Variants in ASB14 observed in about 807,000 individuals in gnomAD.
ASB14 encodes the protein ankyrin repeat and SOCS box protein 14.
ASB14 carries 63 observed loss-of-function variants against 55.6 expected under a neutral mutation model. The observed-to-expected ratio is 1.13, with a 90% CI of 0.92 to 1.40. ASB14 has a LOEUF of 1.40. Ranked by LOEUF, ASB14 falls within the 40% of genes most tolerant of loss-of-function variation. ASB14 has a pLI of 0.00. For synonymous variants in ASB14, 256 were observed against 259.9 expected (o/e 0.98, Z 0.15); for missense variants, 724 against 710.4 (o/e 1.02, Z -0.22).
intron 6 of ASB14, among the ~76,000 whole-genome samples, chr3:57,281,805 A>G (rs1031537598): frequency 2.6e-5 from 4 of 152,204 alleles, no homozygotes; most frequent in Non-Finnish European, 5.9e-5. Flanking sequence ...CCCAGGGCTT[A>G]TATCTATGAT....
Position 57,283,230 on chromosome 3 carries a change from C to T in ASB14, c.679G>A (p.Gly227Arg). Residue 227 changes from glycine to arginine, a missense_variant, in exon 6 of 11, where the codon GGA becomes AGA. Transcript: ENST00000487349. ...AACATTTCCATGATTTCAGTGTGTC[C>T]ACTTTGGGCAGCAAGAGCAAGAGGA... is the stretch of plus-strand genomic sequence containing the variant. ...FTPLALAAQS[G>R]HTEIMEMLLR... 6.4e-7 allele frequency: 1 copy of T among 1,552,104 alleles called. No homozygotes were observed. The highest frequency in any genetic ancestry group is 8.7e-7 in the Non-Finnish European group (1 of 1,147,038).
intron 2 of ASB14, among the ~76,000 whole-genome samples, chr3:57,290,105 A>C (rs1338700038): frequency 6.6e-6 from 1 of 152,242 alleles, no homozygotes; most frequent in Non-Finnish European, 1.5e-5. Flanking sequence ...TGCTGTAAGA[A>C]GTAACCACAC....
At chr3:57,290,199 G>A (rs1349916101) in intron 2 of ASB14, among the ~76,000 whole-genome samples, 1 of 151,978 alleles carries the variant, frequency 6.6e-6, no homozygotes, top group South Asian at 2.1e-4. Context: ...AGTCCTCACC[G>A]GACTGAAATC....
At chr3:57,271,209 T>C (rs1016311678) in intron 10 of ASB14, 4 of 147,570 alleles carry the variant, frequency 2.7e-5, no homozygotes, top group East Asian at 1.9e-4. Context: ...TCTCAAAATA[T>C]AACTCAGCTG....
chr3:57,277,512 A>G (rs7624358), intron 9 of ASB14, among the ~76,000 whole-genome samples: 27,942 of 151,966 alleles, frequency 0.18, 2,889 homozygotes, highest in African/African-American at 0.25. Flanking sequence ...TGTTGTTTCC[A>G]TGATTTAGGT....
chr3:57,279,264 C>CTTTTTTTTTTTTT (rs869152915), intron 7 of ASB14, among the ~76,000 whole-genome samples: 1 of 88,030 alleles, frequency 1.1e-5, no homozygotes, highest in Non-Finnish European at 2.2e-5. Flanking sequence ...AAGAGTTTTT[C>CTTTTTTTTTTTTT]TTTTTTTTTT....
chr3:57,281,279 T>C (rs1293261697), intron 6 of ASB14, among the ~76,000 whole-genome samples: 1 of 150,310 alleles, frequency 6.7e-6, no homozygotes, highest in Non-Finnish European at 1.5e-5. Context: ...GTGAGTGATG[T>C]GAATAATAAG....
chr3:57,276,849 A>T, intron 9 of ASB14, 121 bp from the exon 10 acceptor site: 3 of 871,902 alleles, frequency 3.4e-6, no homozygotes, highest in Non-Finnish European at 5.3e-6. Flanking sequence ...CAAAGTCAAT[A>T]GGGAAACAGT....
rs375711168 is a variant in ASB14, at chr3:57,291,205, T to C, written c.122+707A>G. 8.5e-5 allele frequency among the ~76,000 whole-genome samples: 13 copies of C among 152,258 alleles called. No homozygotes were observed. The East Asian group carries it at 1.5e-3, about 18-fold the overall frequency. ...GTACTTCATTGTCTCTATTTAGTTA[T>C]GAAATCTCTTGGGGTTAAAAGACAT... On this transcript the variant is annotated intron_variant, in intron 2 of 10. Transcript: ENST00000487349.
chr3:57,284,570 G>T (rs1047788807), intron 5 of ASB14, among the ~76,000 whole-genome samples: 1 of 152,190 alleles, frequency 6.6e-6, no homozygotes, highest in African/African-American at 2.4e-5. Context: ...TGCTGTTTAG[G>T]TGCCACAGAA....
At chr3:57,288,763 G>A (rs922783431) in intron 3 of ASB14, among the ~76,000 whole-genome samples, 1 of 137,476 alleles carries the variant, frequency 7.3e-6, no homozygotes, top group African/African-American at 2.7e-5. Flanking sequence ...TGCCCAGACT[G>A]GAGTGTGGTG....
chr3:57,287,778 G>T, intron 5 of ASB14, 123 bp downstream of exon 5: 1 of 1,111,014 alleles, frequency 9.0e-7, no homozygotes, highest in Non-Finnish European at 1.3e-6. Flanking sequence ...CGGTACCCAT[G>T]TCTGGTCAGT....
At chr3:57,271,518 T>G (rs994977677) in intron 10 of ASB14, 1 of 152,262 alleles carries the variant, frequency 6.6e-6, no homozygotes, top group Non-Finnish European at 1.5e-5. Flanking sequence ...TTTTAAGACC[T>G]TTTGGAGACT....
At position 57,288,696 on chromosome 3, in the gene ASB14, A is replaced by G. The variant is rs185595289; in HGVS notation, c.178+372T>C. ...AGGGGAAATGCTGCCAGCCATCACCATCATATCTTTCCTTTTTTTTTTTTT... is the reference window on the plus strand; with the variant it reads ...AGGGGAAATGCTGCCAGCCATCACCGTCATATCTTTCCTTTTTTTTTTTTT... On this transcript the variant is annotated intron_variant, in intron 3 of 10. Transcript: ENST00000487349. 2.1e-4 allele frequency among the ~76,000 whole-genome samples: 29 copies of G among 141,024 alleles called. No individual in the cohort carries two copies. In the East Asian group the frequency reaches 5.5e-3, roughly 27 times the overall value. The allele number at this position is 141,024 out of a possible 152,430, so 92.5% of individuals were successfully genotyped here. A position where few individuals can be genotyped will look rare whatever the true frequency, so the allele number is the denominator to read the frequency against.
intron 5 of ASB14, among the ~76,000 whole-genome samples, chr3:57,284,941 G>GTTTTT (rs10648367): frequency 4.5e-5 from 6 of 132,178 alleles, no homozygotes; most frequent in African/African-American, 8.5e-5. Context: ...TTTCAGTGTT[G>GTTTTT]TTTTTTTTTT....
Position 57,278,931 on chromosome 3 carries a change from A to T in ASB14, c.888-11T>A. The T allele has an allele frequency of 6.2e-7, 1 of 1,604,410 alleles. No individual in the cohort carries two copies. Among genetic ancestry groups the T allele is most frequent in the Non-Finnish European group, 8.5e-7 (1 of 1,173,216 alleles). ...AGTATCTTTAGAGCTCTGAGAAAGA[A>T]TTTCAAAATGCATTTCAACATTGTT... On this transcript the variant is annotated splice_polypyrimidine_tract_variant and intron_variant, in intron 7 of 10. Transcript: ENST00000487349.
Position 57,282,781 on chromosome 3 carries a change from A to G in ASB14, c.715+413T>C, listed in dbSNP as rs1487308925. ...AACTGGGACCCAAAGAGAAGAAATC[A>G]GGAATAATTTCCTAACATCTAAAGC... On this transcript the variant is annotated intron_variant, in intron 6 of 10. Transcript: ENST00000487349. Among the ~76,000 whole-genome samples the G allele has an allele frequency of 2.6e-5, 4 of 152,230 alleles. No homozygotes were observed. In the East Asian group the frequency reaches 7.7e-4, roughly 29 times the overall value.
At chr3:57,270,517 GA>G (rs1467069283) in intron 10 of ASB14, 6 of 152,620 alleles carry the variant, frequency 3.9e-5, no homozygotes, top group Non-Finnish European at 7.4e-5. Context: ...GCTATGGAAT[GA>G]TACATTGTAT....
Position 57,288,042 on chromosome 3 carries a change from A to G in ASB14, c.328T>C (p.Trp110Arg). The change falls in exon 5 of 11, where the codon TGG becomes CGG. Residue 110 changes from tryptophan to arginine, a missense_variant. Physicochemically the swap from Trp to Arg is moderately radical, Grantham distance 101. Coordinates refer to ENST00000487349, the MANE Select transcript of ASB14 (RefSeq NM_001142733.3). ...ITLSASDPSL[W>R]EQTTHNGETP... ...TCACCATTGTGAGTGGTTTGCTCCC[A>G]CAGACTGGGGTCTGAAGCTGAAATA... 1 of 1,537,406 alleles carries G rather than the reference A, an allele frequency of 6.5e-7. No individual in the cohort carries two copies. Among genetic ancestry groups the G allele is most frequent in the South Asian group, 1.2e-5 (1 of 84,066 alleles).
Sources: allele counts gnomAD v4.1 joint callset (sites outside exome capture counted in the v4.1 genomes callset), GRCh38; gene constraint gnomAD v4.1.1; transcripts MANE v1.5; gene names NCBI Gene and HGNC (gene_info 2026-07-23, HGNC 2026-07-21).